The following CCDC33 variants were observed in gnomAD, a reference collection of about 807,000 sequenced individuals.
CCDC33 encodes coiled-coil domain containing 33, also known as coiled-coil domain-containing protein 33.
CCDC33 carries 94 observed loss-of-function variants against 91.9 expected under a neutral mutation model. That is an observed-to-expected ratio of 1.02 (90% CI 0.87 to 1.21). The LOEUF (loss-of-function observed/expected upper bound fraction) is 1.21. Among genes scored for constraint, CCDC33 ranks in the 50% most tolerant of loss-of-function variants. The pLI is 0.00. For missense variants in CCDC33, 940 were observed against 935.5 expected, an observed-to-expected ratio of 1.00 and a Z score of -0.06; for synonymous variants, 396 against 374.5, an observed-to-expected ratio of 1.06 and a Z score of -0.66.
rs542412361 is a variant in CCDC33, at chr15:74,218,301, C to T, written c.311-196C>T. ...CCCTGCCCGGTGGGCTTGGATTGGG[C>T]ATCAGCAAAGGGAGGGAGCCATGGG... On this transcript the variant is annotated intron_variant, in intron 1 of 2. Transcript: ENST00000635913. This position sits in a 1 kb window ranked among gnomAD's most constrained non-coding sequence, Gnocchi z 4.8. 1.3e-5 allele frequency among the ~76,000 whole-genome samples: 2 copies of T among 152,256 alleles called. No homozygotes were observed. Among genetic ancestry groups the T allele is most frequent in the African/African-American group, 4.8e-5 (2 of 41,562 alleles).
chr15:74,247,326 G>C (rs185477177), intron 2 of CCDC33, among the ~76,000 whole-genome samples: 94 of 151,148 alleles, frequency 6.2e-4, no homozygotes, highest in Admixed American at 5.1e-3. Context: ...CTAAGTGTTT[G>C]TTGATGAATG....
intron 2 of CCDC33, among the ~76,000 whole-genome samples, chr15:74,256,469 G>C (rs928194091): frequency 6.6e-6 from 1 of 152,190 alleles, no homozygotes; most frequent in African/African-American, 2.4e-5. Flanking sequence ...ACCATTGAGA[G>C]GATTCCACGT....
intron 2 of CCDC33, among the ~76,000 whole-genome samples, chr15:74,251,713 T>C (rs1319542875): frequency 6.6e-6 from 1 of 152,108 alleles, no homozygotes; most frequent in African/African-American, 2.4e-5. Flanking sequence ...GCCCTGACCC[T>C]GGCCCTACAC....
At chr15:74,334,160 A>T (rs1262546059) in intron 17 of CCDC33, among the ~76,000 whole-genome samples, 193 bp downstream of exon 17, 1 of 125,642 alleles carries the variant, frequency 8.0e-6, no homozygotes, top group Non-Finnish European at 1.7e-5. Context: ...TTCAGTGTGT[A>T]ACCAGGGTCA....
chr15:74,243,324 A>T (rs2075406937), intron 1 of CCDC33, among the ~76,000 whole-genome samples: 1 of 152,240 alleles, frequency 6.6e-6, no homozygotes, highest in Non-Finnish European at 1.5e-5. Flanking sequence ...AGGTGAGGTT[A>T]CAAGATAGAC....
At chr15:74,291,727 A>G (rs1265748522) in intron 10 of CCDC33, among the ~76,000 whole-genome samples, 1 of 152,184 alleles carries the variant, frequency 6.6e-6, no homozygotes, top group Non-Finnish European at 1.5e-5. Flanking sequence ...ATTTTGCATG[A>G]TTGGGGATCT....
At chr15:74,205,402 G>T (rs1207850449) in intron 1 of CCDC33, among the ~76,000 whole-genome samples, 1 of 152,180 alleles carries the variant, frequency 6.6e-6, no homozygotes, top group African/African-American at 2.4e-5. Flanking sequence ...GTGAAGGGGG[G>T]TCAGGCAGGA....
chr15:74,313,685 C>T (rs377131698), intron 11 of CCDC33, among the ~76,000 whole-genome samples: 20 of 152,210 alleles, frequency 1.3e-4, no homozygotes, highest in African/African-American at 3.4e-4. Flanking sequence ...TTTCTAACCC[C>T]GGAGGGCTAT....
At chr15:74,266,816 G>A in intron 4 of CCDC33, 29 bp downstream of exon 4, 1 of 1,550,032 alleles carries the variant, frequency 6.5e-7, no homozygotes, top group South Asian at 1.1e-5. Flanking sequence ...GAAGTGCCGG[G>A]AGAGCAGGTG....
intron 11 of CCDC33, among the ~76,000 whole-genome samples, chr15:74,297,977 G>A (rs1440663850): frequency 1.3e-5 from 2 of 152,216 alleles, no homozygotes; most frequent in Non-Finnish European, 2.9e-5. Context: ...GCACCTCCTG[G>A]CTGGACAAGC....
At chr15:74,253,256 T>A (rs1022763986) in intron 2 of CCDC33, among the ~76,000 whole-genome samples, 1 of 152,104 alleles carries the variant, frequency 6.6e-6, no homozygotes, top group East Asian at 1.9e-4. Flanking sequence ...TCCTCCTCCC[T>A]CCCTGGTCAT....
Position 74,336,040 on chromosome 15 carries a change from C to G in CCDC33, c.2255C>G (p.Ser752Cys), listed in dbSNP as rs1251754109. Residue 752 changes from serine to cysteine, a missense_variant, in exon 19 of 19, where the codon TCT becomes TGT. By Grantham distance (112) the Ser-to-Cys change is moderately radical. Transcript: ENST00000398814. Reference sequence around the variant, plus strand: ...AGCCCCCAGAAGGAGACCGCTAACTCTCAGCAGACCTGAGCCCCAGAGCAG... The same window carrying G: ...AGCCCCCAGAAGGAGACCGCTAACTGTCAGCAGACCTGAGCCCCAGAGCAG... ...PLSPQKETAN[S>C]QQT The G allele has an allele frequency of 6.2e-7, 1 of 1,613,770 alleles. No homozygotes were observed. Among genetic ancestry groups the G allele is most frequent in the Admixed American group, 1.7e-5 (1 of 60,014 alleles).
At chr15:74,206,579 C>T (rs1289306374) in intron 1 of CCDC33, among the ~76,000 whole-genome samples, 4 of 152,200 alleles carry the variant, frequency 2.6e-5, no homozygotes, top group African/African-American at 9.7e-5. Context: ...CAGGAAGGCC[C>T]AGCCCTGCCC....
chr15:74,251,593 T>A (rs773408643), intron 2 of CCDC33, among the ~76,000 whole-genome samples: 2 of 152,172 alleles, frequency 1.3e-5, no homozygotes, highest in Non-Finnish European at 2.9e-5. Flanking sequence ...AGGCGCTGCT[T>A]CCTCTGTGCA....
Position 74,280,065 on chromosome 15 carries a change from G to T in CCDC33, c.862G>T (p.Val288Leu). The stretch of plus-strand genomic sequence containing the variant: ...CAGCTTCTCAGAAGACACAGCCCTG[G>T]TGCTGGAGTACTACTCCTCAACTTC... Reference protein sequence around the residue: ...ATSFSEDTALVLEYYSSTSMK... With the variant: ...ATSFSEDTALLLEYYSSTSMK... The change falls in exon 8 of 19, where the codon GTG becomes TTG. Residue 288 changes from valine (V) to leucine (L), a missense_variant. By Grantham distance (32) the Val-to-Leu change is conservative (BLOSUM62 1). Transcript: ENST00000398814. The T allele has an allele frequency of 1.2e-6, 2 of 1,614,098 alleles. No homozygotes were observed. The highest frequency in any genetic ancestry group is 1.7e-6 in the Non-Finnish European group (2 of 1,179,984).
chr15:74,280,938 G>A, intron 9 of CCDC33, 137 bp downstream of exon 9: 1 of 877,554 alleles, frequency 1.1e-6, no homozygotes, highest in Non-Finnish European at 1.5e-6. Context: ...CACCAGGGAA[G>A]TCACCCAGTC....
At chr15:74,295,616 G>A (rs2059669787) in intron 10 of CCDC33, 138 bp from the exon 11 acceptor site, 2 of 638,834 alleles carry the variant, frequency 3.1e-6, no homozygotes, top group Non-Finnish European at 2.6e-6. Flanking sequence ...GCAGATGGTA[G>A]GAGGTGTGCA....
At chr15:74,318,445 AC>A (rs1567029724) in intron 11 of CCDC33, 2 of 505,962 alleles carry the variant, frequency 4.0e-6, no homozygotes, top group South Asian at 2.7e-5. Flanking sequence ...CCACCCAGAC[AC>A]CCCCCACCCT....
upstream of CCDC33, chr15:74,212,821 C>T (rs769048813): frequency 6.6e-6 from 1 of 152,108 alleles, no homozygotes; most frequent in Admixed American, 6.5e-5. Flanking sequence ...CTCCTCAAGG[C>T]GGGTTATAGA....
Sources: allele counts gnomAD v4.1 joint callset (sites outside exome capture counted in the v4.1 genomes callset), GRCh38; gene constraint gnomAD v4.1.1; non-coding constraint Gnocchi (gnomAD v3.1); transcripts MANE v1.5; gene names NCBI Gene and HGNC (gene_info 2026-07-23, HGNC 2026-07-21).